Variants in PBX1 observed in about 807,000 individuals in gnomAD.
The protein encoded by PBX1 is pre-B-cell leukemia transcription factor 1.
Under a neutral mutation model 53.4 loss-of-function variants are expected in PBX1, and 6 were observed. The observed-to-expected ratio is 0.11, with a 90% CI of 0.06 to 0.22. The LOEUF (loss-of-function observed/expected upper bound fraction) is 0.22. Ranked by LOEUF, PBX1 falls within the 10% of genes least tolerant of loss-of-function variation. The probability of loss-of-function intolerance (pLI) is 1.00; values close to 1 mark genes in which losing one functional copy is unlikely to be tolerated. For missense variants in PBX1, 251 were observed against 551.4 expected, an observed-to-expected ratio of 0.46 and a Z score of 5.46; for synonymous variants, 204 against 212.3, an observed-to-expected ratio of 0.96 and a Z score of 0.34.
At chr1:164,778,758 C>CA (rs1316892465) in intron 2 of PBX1, among the ~76,000 whole-genome samples, 3 of 152,180 alleles carry the variant, frequency 2.0e-5, no homozygotes, top group Non-Finnish European at 4.4e-5. Context: ...CTGCAAAAGG[C>CA]AGCATGAAAG....
chr1:164,561,823 T>TA (rs1193185837), intron 1 of PBX1, among the ~76,000 whole-genome samples: 1 of 152,176 alleles, frequency 6.6e-6, no homozygotes, highest in Non-Finnish European at 1.5e-5. Context: ...GCTGTGGAAA[T>TA]ACAATATTTT....
At chr1:164,585,964 C>G (rs536714610) in intron 2 of PBX1, among the ~76,000 whole-genome samples, 15 of 152,278 alleles carry the variant, frequency 9.9e-5, no homozygotes, top group African/African-American at 3.6e-4. Context: ...TTCATTCATT[C>G]ATTCATTCAT....
At chr1:164,707,520 T>C (rs1663509236) in intron 2 of PBX1, among the ~76,000 whole-genome samples, 1 of 151,914 alleles carries the variant, frequency 6.6e-6, no homozygotes, top group Non-Finnish European at 1.5e-5. Flanking sequence ...ACTGTAACTG[T>C]TTATGAATTC....
chr1:164,747,366 A>C (rs933680445), intron 2 of PBX1, among the ~76,000 whole-genome samples: 1 of 152,030 alleles, frequency 6.6e-6, no homozygotes, highest in Admixed American at 6.6e-5. Flanking sequence ...TATGTATTTT[A>C]TATACATACA....
chr1:164,853,206 C>T (rs138428817), downstream of PBX1, among the ~76,000 whole-genome samples: 24 of 152,234 alleles, frequency 1.6e-4, no homozygotes, highest in East Asian at 4.6e-3. Flanking sequence ...AGAAGGCCCA[C>T]CCGCTTCTTG....
intron 2 of PBX1, among the ~76,000 whole-genome samples, chr1:164,753,387 G>A (rs918765481): frequency 1.3e-5 from 2 of 152,138 alleles, no homozygotes; most frequent in South Asian, 4.1e-4. Context: ...CATAAAAGCA[G>A]GGCTATTTAA....
At chr1:164,761,506 G>A (rs995785533) in intron 2 of PBX1, among the ~76,000 whole-genome samples, 8 of 151,656 alleles carry the variant, frequency 5.3e-5, no homozygotes, top group Admixed American at 2.6e-4. Context: ...GTGCAGTGGC[G>A]CGATCTCGAC....
intron 2 of PBX1, among the ~76,000 whole-genome samples, chr1:164,867,838 C>A (rs907501863): frequency 6.6e-6 from 1 of 152,204 alleles, no homozygotes; most frequent in African/African-American, 2.4e-5. Context: ...CGGCCCAGCC[C>A]GCAGCTTTTG....
intron 8 of PBX1, among the ~76,000 whole-genome samples, chr1:164,827,859 C>T (rs1438763242): frequency 6.6e-6 from 1 of 152,096 alleles, no homozygotes; most frequent in Non-Finnish European, 1.5e-5. Flanking sequence ...GCATTTTTTA[C>T]CTTGAGGAAT....
chr1:164,685,989 G>A (rs1412881230), intron 2 of PBX1, among the ~76,000 whole-genome samples: 11 of 152,150 alleles, frequency 7.2e-5, no homozygotes, highest in Admixed American at 1.3e-4. Context: ...AAGAGTCTGG[G>A]CCTTGGAGTT....
At chr1:164,564,819 A>G (rs1168368518) in intron 2 of PBX1, among the ~76,000 whole-genome samples, 1 of 151,256 alleles carries the variant, frequency 6.6e-6, no homozygotes, top group Non-Finnish European at 1.5e-5. Flanking sequence ...GTGTGTGTAT[A>G]TATATATTTA....
intron 2 of PBX1, among the ~76,000 whole-genome samples, chr1:164,746,365 A>C (rs898517193): frequency 1.7e-4 from 26 of 152,026 alleles, no homozygotes; most frequent in African/African-American, 5.8e-4. Context: ...TTTTTTCCTA[A>C]ACTATTCTTT....
chr1:164,856,377 C>T (rs1671975737), downstream of PBX1, among the ~76,000 whole-genome samples: 1 of 152,220 alleles, frequency 6.6e-6, no homozygotes, highest in Non-Finnish European at 1.5e-5. Flanking sequence ...CTGCTCCTTT[C>T]CCTGGTTCCA....
intron 2 of PBX1, among the ~76,000 whole-genome samples, chr1:164,704,565 T>C (rs1185481203): frequency 6.6e-6 from 1 of 152,212 alleles, no homozygotes; most frequent in Non-Finnish European, 1.5e-5. Flanking sequence ...GCACATTTTA[T>C]ACCTTAACTG....
chr1:164,682,276 A>G (rs981108877), intron 2 of PBX1: 2 of 152,214 alleles, frequency 1.3e-5, no homozygotes, highest in African/African-American at 4.8e-5. Context: ...CAGACACTTC[A>G]GTTGGATTTG....
chr1:164,750,546 T>G, intron 2 of PBX1, among the ~76,000 whole-genome samples: 1 of 152,072 alleles, frequency 6.6e-6, no homozygotes. Flanking sequence ...TCCTATTGAG[T>G]GGGAATGAAA....
chr1:164,749,922 A>C (rs909240286), intron 2 of PBX1, among the ~76,000 whole-genome samples: 1 of 152,088 alleles, frequency 6.6e-6, no homozygotes, highest in Non-Finnish European at 1.5e-5. Flanking sequence ...AACATTAGTA[A>C]GACTGTGTCT....
intron 2 of PBX1, among the ~76,000 whole-genome samples, chr1:164,773,960 T>A (rs960394418): frequency 6.6e-6 from 1 of 152,210 alleles, no homozygotes; most frequent in Non-Finnish European, 1.5e-5. Flanking sequence ...GTGAAGGCAA[T>A]TTTTTAACGT....
At chr1:164,763,046 T>G (rs1666888884) in intron 2 of PBX1, among the ~76,000 whole-genome samples, 1 of 152,252 alleles carries the variant, frequency 6.6e-6, no homozygotes, top group Non-Finnish European at 1.5e-5. Context: ...TTTATTTTTC[T>G]TAGTTTACAA....
Sources: gnomAD v4.1 joint callset for allele counts (sites outside exome capture counted in the v4.1 genomes callset) on GRCh38, gnomAD v4.1.1 for gene constraint, MANE v1.5 for transcripts, NCBI Gene and HGNC (gene_info 2026-07-23, HGNC 2026-07-21) for gene names.